Variants in SGK3 observed in about 807,000 individuals in gnomAD.
SGK3 encodes serum/glucocorticoid regulated kinase family member 3.
SGK3 carries 47 observed loss-of-function variants against 68.5 expected under a neutral mutation model. That is an observed-to-expected ratio of 0.69 (90% CI 0.54 to 0.87). The LOEUF is 0.87. SGK3 is among the 40% of genes least tolerant of loss of function. The pLI, the probability that SGK3 is intolerant of heterozygous loss-of-function variation, is 0.00. For synonymous variants in SGK3, 181 were observed against 189.1 expected (o/e 0.96, Z 0.35); for missense variants, 479 against 575.5 (o/e 0.83, Z 1.72).
chr8:66,849,263 G>C (rs942504025), intron 15 of SGK3, among the ~76,000 whole-genome samples: 23 of 152,216 alleles, frequency 1.5e-4, no homozygotes, highest in African/African-American at 5.5e-4. Context: ...ACCACTTGGA[G>C]TTCCTGAGAG....
intron 4 of SGK3, among the ~76,000 whole-genome samples, chr8:66,806,903 A>G (rs1808192907): frequency 6.6e-6 from 1 of 152,112 alleles, no homozygotes; most frequent in Non-Finnish European, 1.5e-5. Context: ...TTATTGGTAT[A>G]ACAGTGAAGT....
intron 15 of SGK3, among the ~76,000 whole-genome samples, chr8:66,849,128 C>A (rs1810159785): frequency 6.6e-6 from 1 of 152,158 alleles, no homozygotes; most frequent in African/African-American, 2.4e-5. Context: ...TCTTCCTGGG[C>A]AATCTCAATT....
chr8:66,804,325 TAGA>T (rs1563636525), intron 3 of SGK3, 47 bp from the exon 4 acceptor site: 1 of 1,517,564 alleles, frequency 6.6e-7, no homozygotes, highest in East Asian at 2.5e-5. Flanking sequence ...TGTGCATAAC[TAGA>T]AGACTTATAA....
At chr8:66,733,828 T>C (rs1220069724) in intron 1 of SGK3, among the ~76,000 whole-genome samples, 3 of 152,226 alleles carry the variant, frequency 2.0e-5, no homozygotes, top group Non-Finnish European at 4.4e-5. Context: ...TAAGATTCTT[T>C]ATAGCATTAT....
intron 5 of SGK3, among the ~76,000 whole-genome samples, chr8:66,820,704 T>C (rs1808775547): frequency 6.6e-6 from 1 of 151,596 alleles, no homozygotes; most frequent in Non-Finnish European, 1.5e-5. Flanking sequence ...TTTTTCCTAT[T>C]TTGTTTATTT....
At chr8:66,762,835 TATG>T (rs749437041) in intron 1 of SGK3, among the ~76,000 whole-genome samples, 4 of 152,360 alleles carry the variant, frequency 2.6e-5, no homozygotes, top group South Asian at 4.1e-4. Context: ...ATTGCATCCC[TATG>T]ATGTCATTTG....
intron 1 of SGK3, among the ~76,000 whole-genome samples, chr8:66,760,413 C>A (rs1314741436): frequency 6.8e-6 from 1 of 147,410 alleles, no homozygotes; most frequent in Admixed American, 7.0e-5. Context: ...TGGCTCACTG[C>A]AAGCTCTGCC....
intron 1 of SGK3, among the ~76,000 whole-genome samples, chr8:66,757,885 A>T (rs186672515): frequency 2.7e-4 from 40 of 150,160 alleles, no homozygotes; most frequent in African/African-American, 8.8e-4. Context: ...ACTGCACTCC[A>T]GCCTGGGAAA....
At chr8:66,763,523 A>G (rs1178453135) in intron 1 of SGK3, among the ~76,000 whole-genome samples, 1 of 152,160 alleles carries the variant, frequency 6.6e-6, no homozygotes, top group Non-Finnish European at 1.5e-5. Context: ...AGTGGGAAAT[A>G]TTTAGGGACC....
chr8:66,721,268 C>T (rs1438759994), intron 1 of SGK3, among the ~76,000 whole-genome samples: 1 of 152,060 alleles, frequency 6.6e-6, no homozygotes, highest in Non-Finnish European at 1.5e-5. Flanking sequence ...ACACAATCTA[C>T]AACACACAGT....
rs190065335 is a variant in SGK3, at chr8:66,816,249, G to A, written c.329+2321G>A. On this transcript the variant is annotated intron_variant, in intron 5 of 16. Transcript: ENST00000521198. ...CATCTACTGACCTCATGATCTGCCC[G>A]CCTTGGCCTCCCAAAGTGCTGAGAC... Among the ~76,000 whole-genome samples, 17 of 151,494 alleles carry A rather than the reference G, an allele frequency of 1.1e-4. No homozygotes were observed. In the East Asian group the frequency reaches 1.7e-3, roughly 16 times the overall value.
intron 1 of SGK3, among the ~76,000 whole-genome samples, chr8:66,740,844 A>G (rs987689218): frequency 1.4e-5 from 2 of 140,326 alleles, no homozygotes; most frequent in African/African-American, 5.2e-5. Flanking sequence ...GAGATGGAGG[A>G]TGCGGTGAGC....
chr8:66,774,239 T>G (rs1806609869), intron 1 of SGK3, among the ~76,000 whole-genome samples: 1 of 152,190 alleles, frequency 6.6e-6, no homozygotes, highest in African/African-American at 2.4e-5. Flanking sequence ...CTTGGCATTA[T>G]TTTCTGAAAT....
chr8:66,810,554 A>G (rs557609889), intron 4 of SGK3, among the ~76,000 whole-genome samples: 2 of 152,252 alleles, frequency 1.3e-5, no homozygotes, highest in South Asian at 4.2e-4. Flanking sequence ...TACAAAAATT[A>G]GCCAGGCGTG....
rs375430558 is a variant in SGK3 at position 66,806,729 on chromosome 8, C to T, written c.253+2282C>T. Among the ~76,000 whole-genome samples, 7 of 150,638 alleles carry T rather than the reference C, an allele frequency of 4.6e-5. No homozygotes were observed. In the South Asian group the frequency reaches 8.4e-4, roughly 18 times the overall value. On this transcript the variant is annotated intron_variant, in intron 4 of 16. Coordinates refer to ENST00000521198, the MANE Select transcript of SGK3 (RefSeq NM_001033578.3). ...TCGGGAGGCTGGAGCAAGAGAATCA[C>T]TTGAATCCAGGAGTCGGAGGTTGCA...
intron 1 of SGK3, among the ~76,000 whole-genome samples, chr8:66,746,719 C>T (rs946267487): frequency 6.6e-6 from 1 of 152,002 alleles, no homozygotes; most frequent in Non-Finnish European, 1.5e-5. Context: ...CTACACCTGG[C>T]TAATTTTTCT....
intron 1 of SGK3, among the ~76,000 whole-genome samples, chr8:66,752,732 G>T (rs1284641741): frequency 6.6e-6 from 1 of 152,154 alleles, no homozygotes; most frequent in Non-Finnish European, 1.5e-5. Flanking sequence ...AGTGGTTTGA[G>T]GATGTAGGGG....
chr8:66,848,740 C>T (rs1458547045), intron 15 of SGK3, among the ~76,000 whole-genome samples: 1 of 152,094 alleles, frequency 6.6e-6, no homozygotes, highest in East Asian at 1.9e-4. Context: ...AAATCTGTTG[C>T]TTCTTAAGCC....
intron 1 of SGK3, among the ~76,000 whole-genome samples, chr8:66,749,550 G>T (rs946406836): frequency 2.0e-5 from 3 of 152,120 alleles, no homozygotes; most frequent in African/African-American, 7.2e-5. Context: ...GGAATTGCTA[G>T]ACCAGTTGCT....
Sources: allele counts gnomAD v4.1 joint callset (sites outside exome capture counted in the v4.1 genomes callset), GRCh38; gene constraint gnomAD v4.1.1; transcripts MANE v1.5; gene names NCBI Gene and HGNC (gene_info 2026-07-23, HGNC 2026-07-21).